Variants in COL24A1 observed in about 807,000 individuals in gnomAD.
The protein encoded by COL24A1 is collagen type XXIV alpha 1 chain, also known as collagen alpha-1(XXIV) chain.
In COL24A1, 224 loss-of-function variants were observed where a neutral mutation model predicts 253.9. The ratio of observed to expected loss-of-function variants is 0.88; its 90% CI spans 0.79 to 0.99. The LOEUF is 0.99. COL24A1 is among the 50% of genes least tolerant of loss of function. COL24A1 has a pLI of 0.00. For missense variants in COL24A1, 2,131 were observed against 2,068.5 expected (o/e 1.03, Z -0.59); for synonymous variants, 685 against 673.7 (o/e 1.02, Z -0.26).
intron 2 of COL24A1, among the ~76,000 whole-genome samples, chr1:86,134,990 C>T (rs1284675484): frequency 6.6e-6 from 1 of 151,292 alleles, no homozygotes; most frequent in Non-Finnish European, 1.5e-5. Context: ...GTCTAAGTCT[C>T]TTTGTAGGTC....
chr1:86,021,113 A>T (rs1013604606), intron 18 of COL24A1, among the ~76,000 whole-genome samples: 3 of 152,200 alleles, frequency 2.0e-5, no homozygotes. Flanking sequence ...CCTGAGATTA[A>T]AAAAATAAAT....
At chr1:85,868,993 G>A (rs1313259287) in intron 35 of COL24A1, among the ~76,000 whole-genome samples, 158 bp from the exon 36 acceptor site, 1 of 152,006 alleles carries the variant, frequency 6.6e-6, no homozygotes, top group Non-Finnish European at 1.5e-5. Context: ...AAATGAGAAT[G>A]ATTTAATTTG....
chr1:85,970,513 CAT>C (rs66926165), intron 21 of COL24A1, among the ~76,000 whole-genome samples: 29,608 of 150,844 alleles, frequency 0.2, 3,197 homozygotes, highest in Non-Finnish European at 0.24. Context: ...TGAAGATGAA[CAT>C]AGAAAAAAAT....
At chr1:85,773,532 C>T (rs1668204943) in intron 53 of COL24A1, among the ~76,000 whole-genome samples, 1 of 152,022 alleles carries the variant, frequency 6.6e-6, no homozygotes, top group Admixed American at 6.6e-5. Context: ...TGTTTGTGTC[C>T]TATCTTATTT....
At chr1:85,948,522 TCAAAAAA>T in intron 24 of COL24A1, among the ~76,000 whole-genome samples, 1 of 44,504 alleles carries the variant, frequency 2.2e-5, no homozygotes, top group African/African-American at 8.8e-5. Flanking sequence ...AGACTCCGTC[TCAAAAAA>T]AAAAAAAAAA....
Position 85,944,660 on chromosome 1 carries a change from C to T in COL24A1, c.2562+16589G>A, listed in dbSNP as rs1188319598. ...ATGTGCACAATGTGCAGGTTAGTTACGTATGTATACATGTGCCATGATGGT... is the reference window on the plus strand; with the variant it reads ...ATGTGCACAATGTGCAGGTTAGTTATGTATGTATACATGTGCCATGATGGT... On this transcript the variant is annotated intron_variant, in intron 24 of 59. Coordinates refer to ENST00000370571, the MANE Select transcript of COL24A1 (RefSeq NM_152890.7). Among the ~76,000 whole-genome samples, 9 of 151,814 alleles carry T rather than the reference C, an allele frequency of 5.9e-5. No individual in the cohort carries two copies. The East Asian group carries it at 1.4e-3, about 23-fold the overall frequency.
intron 7 of COL24A1, among the ~76,000 whole-genome samples, chr1:86,076,009 C>T (rs1303126947): frequency 2.0e-5 from 3 of 152,210 alleles, no homozygotes; most frequent in African/African-American, 4.8e-5. Flanking sequence ...TCTCTCACCA[C>T]TTCTATTCAA....
At chr1:86,132,287 T>A (rs1233696204) in intron 2 of COL24A1, among the ~76,000 whole-genome samples, 1 of 152,200 alleles carries the variant, frequency 6.6e-6, no homozygotes, top group African/African-American at 2.4e-5. Context: ...ATGAGTAGAT[T>A]GCAAAAATTT....
intron 53 of COL24A1, among the ~76,000 whole-genome samples, chr1:85,768,691 T>C (rs942772487): frequency 3.9e-5 from 6 of 152,104 alleles, no homozygotes; most frequent in Non-Finnish European, 8.8e-5. Flanking sequence ...AGTGCAGGAA[T>C]ACCAGTCCAG....
Position 86,007,111 on chromosome 1 carries a change from C to T in COL24A1, c.2310+10040G>A, listed in dbSNP as rs796315740. On this transcript the variant is annotated intron_variant, in intron 19 of 59. Transcript: ENST00000370571. ...ATGGCTGTGGTCCTCCCTACTCAGG[C>T]GGCTGAGGTGGGAGGATCACTTGAG... Among the ~76,000 whole-genome samples, 4 of 151,926 alleles carry T rather than the reference C, an allele frequency of 2.6e-5. No individual in the cohort carries two copies. In the South Asian group the frequency reaches 6.2e-4, roughly 24 times the overall value.
Position 86,125,239 on chromosome 1 carries a change from T to G in COL24A1, c.1097A>C (p.Lys366Thr), listed in dbSNP as rs777642749. 1 of 1,613,594 alleles carries G rather than the reference T, an allele frequency of 6.2e-7. No individual in the cohort carries two copies. The highest frequency in any genetic ancestry group is 1.1e-5 in the South Asian group (1 of 91,052). Residue 366 changes from lysine to threonine, a missense_variant, in exon 3 of 60, where the codon AAA (lysine) becomes ACA (threonine). Coordinates refer to ENST00000370571, the MANE Select transcript of COL24A1 (RefSeq NM_152890.7). ...ISEAKMNTKE[K>T]FSSLLNMSDN... is the part of the protein sequence containing the mutation. The stretch of plus-strand genomic sequence containing the variant: ...AGACATGTTTAGGAGAGAGCTAAAT[T>G]TCTCTTTGGTATTCATTTTTGCCTC...
intron 24 of COL24A1, among the ~76,000 whole-genome samples, chr1:85,942,563 A>G (rs955261261): frequency 1.3e-5 from 2 of 152,230 alleles, no homozygotes; most frequent in Non-Finnish European, 2.9e-5. Context: ...GTTAGTGCCA[A>G]TCATAATCCC....
intron 24 of COL24A1, among the ~76,000 whole-genome samples, chr1:85,957,213 A>G (rs888153705): frequency 6.6e-6 from 1 of 152,162 alleles, no homozygotes; most frequent in African/African-American, 2.4e-5. Context: ...AAGGGGAGGG[A>G]GAGCATGAGG....
chr1:85,949,324 A>C (rs1172436793), intron 24 of COL24A1, among the ~76,000 whole-genome samples: 2 of 152,190 alleles, frequency 1.3e-5, no homozygotes. Flanking sequence ...AATACACAGG[A>C]AGAAAGTGCT....
At chr1:85,858,627 CCTTCCTTCCT>C (rs1678748858) in intron 37 of COL24A1, among the ~76,000 whole-genome samples, 4 of 115,932 alleles carry the variant, frequency 3.5e-5, no homozygotes, top group African/African-American at 8.9e-5. Context: ...CTCCCTCCTT[CCTTCCTTCCT>C]TCCTTCCTTC....
chr1:85,858,632 C>CTTCCTTCT (rs751469606), intron 37 of COL24A1, among the ~76,000 whole-genome samples: 3,866 of 131,458 alleles, frequency 0.029, 176 homozygotes, highest in South Asian at 0.029. Flanking sequence ...TCCTTCCTTC[C>CTTCCTTCT]TTCCTTCCTT....
chr1:86,040,925 T>A (rs1221270948), intron 12 of COL24A1, among the ~76,000 whole-genome samples: 1 of 152,170 alleles, frequency 6.6e-6, no homozygotes, highest in Non-Finnish European at 1.5e-5. Context: ...AATGTATGTA[T>A]CTGAGATGCT....
Position 85,987,586 on chromosome 1 carries a change from T to G in COL24A1, c.2364+15A>C. On this transcript the variant is annotated intron_variant, in intron 20 of 59. Coordinates refer to ENST00000370571, the MANE Select transcript of COL24A1 (RefSeq NM_152890.7). ...AACCATAATTGTTTAGTCTCTCTCT[T>G]CTTCTTCTTCTTACCTTTGGTCCTT... 1 of 1,604,670 alleles carries G rather than the reference T, an allele frequency of 6.2e-7. No homozygotes were observed. Among genetic ancestry groups the G allele is most frequent in the Non-Finnish European group, 8.5e-7 (1 of 1,173,568 alleles).
At chr1:85,812,751 C>A (rs1672673431) in intron 47 of COL24A1, among the ~76,000 whole-genome samples, 1 of 152,152 alleles carries the variant, frequency 6.6e-6, no homozygotes, top group African/African-American at 2.4e-5. Context: ...ACAAGATGGA[C>A]CTTTAGTGGA....
Sources: gnomAD v4.1 joint callset for allele counts (sites outside exome capture counted in the v4.1 genomes callset) on GRCh38, gnomAD v4.1.1 for gene constraint, MANE v1.5 for transcripts, NCBI Gene and HGNC (gene_info 2026-07-23, HGNC 2026-07-21) for gene names.